Variants in CLASP1 observed in about 807,000 individuals in gnomAD.
The protein encoded by CLASP1 is cytoplasmic linker associated protein 1, also known as CLIP-associating protein 1.
In CLASP1, 38 loss-of-function variants were observed where a neutral mutation model predicts 192.3. The ratio of observed to expected loss-of-function variants is 0.20; its 90% CI spans 0.15 to 0.26. The LOEUF is 0.26. Among genes scored for constraint, CLASP1 ranks in the 10% least tolerant of loss-of-function variants. The pLI is 1.00. For synonymous variants in CLASP1, 691 were observed against 712.8 expected (o/e 0.97, Z 0.49); for missense variants, 1,433 against 1,932.5 (o/e 0.74, Z 4.85).
chr2:121,425,004 A>C, intron 22 of CLASP1, 135 bp downstream of exon 22: 1 of 866,374 alleles, frequency 1.2e-6, no homozygotes, highest in Non-Finnish European at 1.8e-6. Flanking sequence ...ATCTGTATAA[A>C]GCACACCCAG....
At position 121,530,881 on chromosome 2, in the gene CLASP1, A is replaced by G. The variant is rs1339722202; in HGVS notation, c.196-556T>C. The G allele has an allele frequency of 1.6e-5, 11 of 692,068 alleles. No homozygotes were observed. The highest frequency in any genetic ancestry group is 6.1e-5 in the Admixed American group (3 of 49,582). 42.9% of individuals were successfully genotyped at this position (692,068 alleles called of 1,614,324 possible). A position where few individuals can be genotyped will look rare whatever the true frequency, so the allele number is the denominator to read the frequency against. On this transcript the variant is annotated intron_variant, in intron 2 of 39. Coordinates refer to ENST00000263710, the Ensembl canonical transcript of CLASP1. ...TGCAGCCCAGGGACTTTCTATTATAACCATCCTTTTCTTGGGGTTGCGCTA... is the reference window on the plus strand; with the variant it reads ...TGCAGCCCAGGGACTTTCTATTATAGCCATCCTTTTCTTGGGGTTGCGCTA...
chr2:121,414,822 T>C (rs2078292012), intron 23 of CLASP1, among the ~76,000 whole-genome samples: 1 of 152,220 alleles, frequency 6.6e-6, no homozygotes, highest in African/African-American at 2.4e-5. Context: ...CTCACTCTGT[T>C]GCCCAGGCTG....
At chr2:121,583,486 G>A (rs1290042705) in intron 2 of CLASP1, among the ~76,000 whole-genome samples, 2 of 152,138 alleles carry the variant, frequency 1.3e-5, no homozygotes, top group Non-Finnish European at 1.5e-5. Context: ...CAAATACATG[G>A]TGATTATCTT....
At chr2:121,357,300 T>A (rs939576955) in intron 37 of CLASP1, among the ~76,000 whole-genome samples, 12 of 152,244 alleles carry the variant, frequency 7.9e-5, no homozygotes, top group African/African-American at 2.9e-4. Flanking sequence ...ATCAGTCTAC[T>A]TTCTTCAATG....
At chr2:121,420,132 G>GAA (rs397767392) in intron 22 of CLASP1, among the ~76,000 whole-genome samples, 68 of 146,586 alleles carry the variant, frequency 4.6e-4, no homozygotes, top group Non-Finnish European at 6.0e-4. Context: ...ACTGCTCAGG[G>GAA]AAAAAAAAAA....
At chr2:121,471,080 C>G (rs2090632555) in intron 8 of CLASP1, among the ~76,000 whole-genome samples, 1 of 152,124 alleles carries the variant, frequency 6.6e-6, no homozygotes, top group African/African-American at 2.4e-5. Flanking sequence ...GCCAGGAGTT[C>G]AAGACCAGCC....
intron 1 of CLASP1, among the ~76,000 whole-genome samples, chr2:121,633,858 T>A (rs938511724): frequency 2.9e-4 from 44 of 151,792 alleles, no homozygotes; most frequent in Admixed American, 7.9e-4. Flanking sequence ...TAAAAAAAAA[T>A]TAGCCAGGCG....
At chr2:121,401,645 C>G (rs1202865559) in exon 28 of CLASP1, 2 of 1,611,082 alleles carry the variant, frequency 1.2e-6, no homozygotes, top group Non-Finnish European at 1.7e-6. Flanking sequence ...ATAAAATCCA[C>G]AAGAGTCTCC....
At chr2:121,569,605 C>A (rs1452977423) in intron 2 of CLASP1, among the ~76,000 whole-genome samples, 1 of 152,208 alleles carries the variant, frequency 6.6e-6, no homozygotes, top group African/African-American at 2.4e-5. Flanking sequence ...GTAATCCCAG[C>A]ACTTTGGGAG....
At chr2:121,464,822 C>T (rs1264683439) in intron 9 of CLASP1, among the ~76,000 whole-genome samples, 3 of 152,110 alleles carry the variant, frequency 2.0e-5, no homozygotes, top group Non-Finnish European at 4.4e-5. Flanking sequence ...ATGGTAGTTT[C>T]TTTTGCTGTG....
At chr2:121,577,855 G>A (rs1178410536) in intron 2 of CLASP1, among the ~76,000 whole-genome samples, 1 of 152,026 alleles carries the variant, frequency 6.6e-6, no homozygotes, top group East Asian at 1.9e-4. Context: ...CAGGAGAAGT[G>A]CTTGAGTCCA....
chr2:121,375,361 A>ATTTTTTT (rs34714381), intron 34 of CLASP1, among the ~76,000 whole-genome samples: 1 of 116,986 alleles, frequency 8.5e-6, no homozygotes, highest in African/African-American at 3.3e-5. Context: ...CTAGTTTCTG[A>ATTTTTTT]TTTTTTTTTT....
intron 2 of CLASP1, among the ~76,000 whole-genome samples, chr2:121,572,628 T>A (rs2060085538): frequency 6.6e-6 from 1 of 152,088 alleles, no homozygotes; most frequent in South Asian, 2.1e-4. Flanking sequence ...GGGCAGTGGC[T>A]CACGCACCTG....
intron 28 of CLASP1, among the ~76,000 whole-genome samples, chr2:121,399,341 C>T (rs2075802439): frequency 2.0e-5 from 3 of 152,134 alleles, no homozygotes; most frequent in Admixed American, 2.0e-4. Context: ...AAGATCTCTT[C>T]GGGAAGGAAA....
intron 2 of CLASP1, among the ~76,000 whole-genome samples, chr2:121,553,793 A>G (rs2058263093): frequency 6.6e-6 from 1 of 152,232 alleles, no homozygotes; most frequent in South Asian, 2.1e-4. Context: ...GAATTAATGC[A>G]TAATTATGAA....
intron 8 of CLASP1, among the ~76,000 whole-genome samples, chr2:121,485,136 A>G (rs1022344396): frequency 1.3e-4 from 20 of 152,248 alleles, no homozygotes; most frequent in African/African-American, 4.8e-4. Flanking sequence ...TACCAAAGGC[A>G]TAACCTCATC....
chr2:121,610,549 G>A (rs1438120680), intron 1 of CLASP1, among the ~76,000 whole-genome samples: 2 of 149,840 alleles, frequency 1.3e-5, no homozygotes, highest in East Asian at 4.0e-4. Flanking sequence ...AGAGGAGCTG[G>A]AGGAGGAAGA....
intron 27 of CLASP1, 40 bp downstream of exon 28, chr2:121,401,828 A>G: frequency 2.6e-6 from 2 of 772,790 alleles, no homozygotes; most frequent in Non-Finnish European, 4.7e-6. Context: ...AGGAAAATGT[A>G]GTGCAGAAAA....
rs550074447 is a variant in CLASP1, at chr2:121,478,884, A to C, written c.713-8924T>G. On this transcript the variant is annotated intron_variant, in intron 8 of 39. Coordinates refer to ENST00000263710, the Ensembl canonical transcript of CLASP1. ...ACCACACACACACCACACCACACAC[A>C]CACCACACACACACACCACACCACA... is the stretch of plus-strand genomic sequence containing the variant. Among the ~76,000 whole-genome samples the C allele has an allele frequency of 1.3e-4, 3 of 23,654 alleles. No individual in the cohort carries two copies. The South Asian group carries it at 4.1e-3, about 33-fold the overall frequency. The allele number at this position is 23,654 out of a possible 152,430, so 15.5% of individuals were successfully genotyped here. A position where few individuals can be genotyped will look rare whatever the true frequency, so the allele number is the denominator to read the frequency against.
Sources: allele counts gnomAD v4.1 joint callset (sites outside exome capture counted in the v4.1 genomes callset), GRCh38; gene constraint gnomAD v4.1.1; transcripts MANE v1.5; gene names NCBI Gene and HGNC (gene_info 2026-07-23, HGNC 2026-07-21).